The following ABHD2 variants were observed in gnomAD, a reference collection of about 807,000 sequenced individuals.
The protein encoded by ABHD2 is abhydrolase domain containing 2, acylglycerol lipase.
Under a neutral mutation model 48.1 loss-of-function variants are expected in ABHD2, and 20 were observed. That is an observed-to-expected ratio of 0.42 (90% CI 0.29 to 0.60). The LOEUF is 0.60. ABHD2 is among the 20% of genes least tolerant of loss of function. ABHD2 has a pLI of 0.24. For missense variants in ABHD2, 405 were observed against 550.9 expected, an observed-to-expected ratio of 0.74 and a Z score of 2.65; for synonymous variants, 209 against 214.2, an observed-to-expected ratio of 0.98 and a Z score of 0.21.
At chr15:89,160,851 C>G (rs1173021634) in intron 5 of ABHD2, among the ~76,000 whole-genome samples, 1 of 152,222 alleles carries the variant, frequency 6.6e-6, no homozygotes, top group East Asian at 1.9e-4. Flanking sequence ...AGCCTAACTT[C>G]AGTGGGGTGG....
intron 1 of ABHD2, among the ~76,000 whole-genome samples, chr15:89,109,265 C>G (rs1375607316): frequency 1.3e-5 from 2 of 152,190 alleles, no homozygotes; most frequent in African/African-American, 4.8e-5. Flanking sequence ...ACTGGGAGCT[C>G]CTTTGGTGAC....
the ABHD2 span, among the ~76,000 whole-genome samples, chr15:89,076,501 T>C: frequency 6.6e-6 from 1 of 152,220 alleles, no homozygotes; most frequent in Non-Finnish European, 1.5e-5. Flanking sequence ...CGTTTCTTTT[T>C]GAGACAGGAT....
intron 4 of ABHD2, among the ~76,000 whole-genome samples, chr15:89,154,662 T>C (rs2050642899): frequency 6.6e-6 from 1 of 152,242 alleles, no homozygotes; most frequent in Non-Finnish European, 1.5e-5. Flanking sequence ...TTTAGCATTT[T>C]TTCACTTAAT....
Position 89,201,271 on chromosome 15 carries a change from C to T in ABHD2, c.*5848C>T. ...CTTCTGATAGCTTCATCATTTCTCC[C>T]TGAAGTCTTTTACACTCTTCTGTTA... is the stretch of plus-strand genomic sequence containing the variant. On this transcript the variant is annotated 3_prime_UTR_variant, in exon 11 of 11. Coordinates refer to ENST00000352732, the MANE Select transcript of ABHD2 (RefSeq NM_152924.5). 4 of 1,205,254 alleles carry T rather than the reference C, an allele frequency of 3.3e-6. No homozygotes were observed. Among genetic ancestry groups the T allele is most frequent in the Non-Finnish European group, 4.9e-6 (4 of 823,928 alleles). 74.7% of individuals were successfully genotyped at this position (1,205,254 alleles called of 1,614,324 possible).
chr15:89,073,244 G>A, the ABHD2 span, among the ~76,000 whole-genome samples: 1 of 152,250 alleles, frequency 6.6e-6, no homozygotes, highest in Admixed American at 6.5e-5. Flanking sequence ...CTTTAAAAAA[G>A]GGACCTAGGT....
intron 3 of ABHD2, among the ~76,000 whole-genome samples, chr15:89,135,149 T>TTTC (rs2050285107): frequency 2.0e-5 from 3 of 149,172 alleles, no homozygotes; most frequent in Non-Finnish European, 4.5e-5. Flanking sequence ...TTTTCTTTTT[T>TTTC]TTTTTTTTTT....
intron 5 of ABHD2, among the ~76,000 whole-genome samples, chr15:89,158,118 T>C (rs1016763362): frequency 2.6e-5 from 4 of 152,136 alleles, no homozygotes; most frequent in Admixed American, 6.5e-5. Context: ...ACTTACTGTG[T>C]GCCAGTGGGA....
the ABHD2 span, among the ~76,000 whole-genome samples, chr15:89,043,998 A>C: frequency 7.9e-5 from 12 of 151,824 alleles, no homozygotes; most frequent in African/African-American, 2.9e-4. Flanking sequence ...GGTGTGCTGC[A>C]CCCACTAACT....
intron 3 of ABHD2, among the ~76,000 whole-genome samples, chr15:89,121,605 C>T (rs2050052671): frequency 6.6e-6 from 1 of 152,074 alleles, no homozygotes; most frequent in African/African-American, 2.4e-5. Flanking sequence ...ACTATGACCT[C>T]CCTGCCTCTG....
intron 3 of ABHD2, among the ~76,000 whole-genome samples, chr15:89,133,830 C>T (rs552918851): frequency 5.4e-5 from 7 of 129,574 alleles, no homozygotes; most frequent in South Asian, 2.3e-4. Context: ...ATTTGCCATG[C>T]ATAATTTTTT....
rs1320324942 is a variant in ABHD2 at position 89,170,268 on chromosome 15, T to G, written c.539-5544T>G. ...GTGTCACCACTGCCTGGATAATTTT[T>G]GTATTTTTAGCAGAGACAGGGTTTC... On this transcript the variant is annotated intron_variant, in intron 5 of 10. Transcript: ENST00000352732. 2.0e-5 allele frequency among the ~76,000 whole-genome samples: 3 copies of G among 151,692 alleles called. No homozygotes were observed. The East Asian group carries it at 5.8e-4, about 29-fold the overall frequency.
chr15:89,074,306 G>A, the ABHD2 span, among the ~76,000 whole-genome samples: 4 of 152,150 alleles, frequency 2.6e-5, no homozygotes, highest in East Asian at 3.9e-4. Flanking sequence ...AACCCGGGCG[G>A]TGGAGGTTGC....
intron 1 of ABHD2, among the ~76,000 whole-genome samples, chr15:89,101,148 C>G (rs1447543877): frequency 6.6e-6 from 1 of 152,178 alleles, no homozygotes; most frequent in Non-Finnish European, 1.5e-5. Context: ...CCTCCAACAT[C>G]CTGTTTTAGC....
chr15:89,080,887 G>A, the ABHD2 span, among the ~76,000 whole-genome samples: 1 of 151,962 alleles, frequency 6.6e-6, no homozygotes, highest in African/African-American at 2.4e-5. Context: ...GGCACCTCAT[G>A]TAAGTGGAAT....
At chr15:89,067,430 C>G in the ABHD2 span, among the ~76,000 whole-genome samples, 42 of 152,288 alleles carry the variant, frequency 2.8e-4, no homozygotes, top group African/African-American at 9.9e-4. Flanking sequence ...AAGAAGCCAG[C>G]AAGTCTAGAC....
chr15:89,174,229 C>T lies in ABHD2; in HGVS notation c.539-1583C>T, dbSNP rs927878562. On this transcript the variant is annotated intron_variant, in intron 5 of 10. Transcript: ENST00000352732. This position sits in a 1 kb window ranked among gnomAD's most constrained non-coding sequence, Gnocchi z 4.1. The stretch of plus-strand genomic sequence containing the variant: ...ATTGTAAAGGGAAAAAAAGAGCCAC[C>T]GAACAATGTGTATGTTACCACTGGT... Among the ~76,000 whole-genome samples, 17 of 152,088 alleles carry T rather than the reference C, an allele frequency of 1.1e-4. No homozygotes were observed. Among genetic ancestry groups the T allele is most frequent in the African/African-American group, 3.4e-4 (14 of 41,400 alleles).
the ABHD2 span, among the ~76,000 whole-genome samples, chr15:89,045,734 G>C: frequency 8.8e-6 from 1 of 113,234 alleles, no homozygotes; most frequent in Non-Finnish European, 2.0e-5. Flanking sequence ...TGTGATTTTT[G>C]TACATTGATT....
the ABHD2 span, among the ~76,000 whole-genome samples, chr15:89,075,064 G>C: frequency 6.6e-6 from 1 of 152,082 alleles, no homozygotes; most frequent in Non-Finnish European, 1.5e-5. This position sits in a 1 kb window ranked among gnomAD's most constrained non-coding sequence, Gnocchi z 4.1. Flanking sequence ...CCTTTTCTCG[G>C]TAATTCTTCT....
the ABHD2 span, among the ~76,000 whole-genome samples, chr15:89,072,292 A>G: frequency 1.3e-5 from 2 of 152,118 alleles, no homozygotes; most frequent in Non-Finnish European, 2.9e-5. Flanking sequence ...CCTGACCAAC[A>G]TGGCGAAACC....
Sources: allele counts gnomAD v4.1 joint callset (sites outside exome capture counted in the v4.1 genomes callset), GRCh38; gene constraint gnomAD v4.1.1; non-coding constraint Gnocchi (gnomAD v3.1); transcripts MANE v1.5; gene names NCBI Gene and HGNC (gene_info 2026-07-23, HGNC 2026-07-21).